MICU3: variants seen among roughly 807,000 people sequenced by gnomAD.
MICU3 encodes calcium uptake protein 3, mitochondrial.
In MICU3, 62 loss-of-function variants were observed where a neutral mutation model predicts 66.5. That is an observed-to-expected ratio of 0.93 (90% CI 0.76 to 1.15). The LOEUF (loss-of-function observed/expected upper bound fraction) is 1.15, where lower values mean the gene tolerates loss of function less well. Ranked by LOEUF, MICU3 falls within the 50% of genes most tolerant of loss-of-function variation. The pLI is 0.00. For synonymous variants in MICU3, 308 were observed against 240.7 expected (o/e 1.28, Z -2.59); for missense variants, 779 against 664.4 (o/e 1.17, Z -1.90).
Position 17,039,376 on chromosome 8 carries a change from G to A in MICU3, c.381+11716G>A, listed in dbSNP as rs187166284. 2.9e-4 allele frequency among the ~76,000 whole-genome samples: 44 copies of A among 152,298 alleles called. 2 individuals carry two copies. The highest frequency in any genetic ancestry group is 1.0e-3 in the African/African-American group (42 of 41,582). On this transcript the variant is annotated intron_variant, in intron 1 of 14. Transcript: ENST00000318063. ...TTTTTATAGTGAGGGAAGTTACATA[G>A]ACATGAAATTGAAGATAAGCTAATT...
At chr8:17,133,400 TC>T in the MICU3 span, among the ~76,000 whole-genome samples, 1 of 152,224 alleles carries the variant, frequency 6.6e-6, no homozygotes, top group Non-Finnish European at 1.5e-5. Context: ...TTTTTTTAAA[TC>T]TGTTCATTCA....
chr8:17,100,799 C>G (rs981049593), intron 9 of MICU3, among the ~76,000 whole-genome samples: 1 of 151,652 alleles, frequency 6.6e-6, no homozygotes, highest in Non-Finnish European at 1.5e-5. Flanking sequence ...AGACTACTTT[C>G]TAACCAAAAT....
In MICU3 at chr8:17,090,051, T is replaced by G. The variant is rs1415667240; in HGVS notation, c.850-495T>G. ...ACTCCCCTTTAGTCCTCATGACCGT[T>G]CTACCAGGTAAGTATTATACCTGCT... On this transcript the variant is annotated intron_variant, in intron 7 of 14. Transcript: ENST00000318063. Among the ~76,000 whole-genome samples, 3 of 152,028 alleles carry G rather than the reference T, an allele frequency of 2.0e-5. No homozygotes were observed. In the East Asian group the frequency reaches 5.8e-4, roughly 29 times the overall value.
Position 17,027,329 on chromosome 8 carries a change from C to T in MICU3, c.50C>T (p.Pro17Leu). Residue 17 changes from proline (P) to leucine (L), a missense_variant, in exon 1 of 15, where the codon CCA (proline) becomes CTA (leucine). By Grantham distance (98) the Pro-to-Leu change is moderately conservative (BLOSUM62 -3). Transcript: ENST00000318063. ...LLWPPPRVSPPLCAHQPLLGP... is the reference protein window; with the variant it reads ...LLWPPPRVSPLLCAHQPLLGP... ...TGGCCGCCACCCCGGGTGTCTCCTCCACTCTGCGCTCACCAGCCCCTCCTT... is the reference window on the plus strand; with the variant it reads ...TGGCCGCCACCCCGGGTGTCTCCTCTACTCTGCGCTCACCAGCCCCTCCTT... 6.5e-7 allele frequency: 1 copy of T among 1,532,392 alleles called. No individual in the cohort carries two copies. The allele number at this position is 1,532,392 out of a possible 1,614,324, so 94.9% of individuals were successfully genotyped here. A position where few individuals can be genotyped will look rare whatever the true frequency, so the allele number is the denominator to read the frequency against.
At chr8:17,108,378 A>G (rs1035721273) in intron 11 of MICU3, among the ~76,000 whole-genome samples, 3 of 152,088 alleles carry the variant, frequency 2.0e-5, no homozygotes, top group Non-Finnish European at 2.9e-5. Context: ...GGCTTTTGCA[A>G]TGTACTGCCT....
chr8:17,077,051 T>C (rs1333696643), intron 3 of MICU3, among the ~76,000 whole-genome samples: 1 of 152,230 alleles, frequency 6.6e-6, no homozygotes, highest in Admixed American at 6.5e-5. Flanking sequence ...AAATTCAAAA[T>C]TGATTTAGCA....
At chr8:17,037,972 G>C (rs1373599600) in intron 1 of MICU3, among the ~76,000 whole-genome samples, 3 of 152,190 alleles carry the variant, frequency 2.0e-5, no homozygotes, top group Non-Finnish European at 4.4e-5. Flanking sequence ...CATTTGGAAT[G>C]GGTGTGTTTA....
chr8:17,116,511 T>C lies in MICU3; in HGVS notation c.1435T>C (p.Phe479Leu). The change falls in exon 13 of 15, where the codon TTC becomes CTC. Residue 479 changes from phenylalanine (F) to leucine (L), a missense_variant. Phe to Leu is a conservative substitution (Grantham distance 22, BLOSUM62 0). Transcript: ENST00000318063. Reference protein sequence around the residue: ...KFSPHLVNTVFKIFDVDKDDQ... With the variant: ...KFSPHLVNTVLKIFDVDKDDQ... ...TTCACCACATTTAGTGAACACTGTCTTCAAGATTTTTGATGTTGACAAAGA... is the reference window on the plus strand; with the variant it reads ...TTCACCACATTTAGTGAACACTGTCCTCAAGATTTTTGATGTTGACAAAGA... The C allele has an allele frequency of 6.4e-7, 1 of 1,568,998 alleles. No homozygotes were observed. The highest frequency in any genetic ancestry group is 1.2e-5 in the South Asian group (1 of 82,890).
intron 2 of MICU3, among the ~76,000 whole-genome samples, chr8:17,068,617 A>G (rs941215051): frequency 5.6e-4 from 85 of 152,290 alleles, no homozygotes; most frequent in African/African-American, 2.0e-3. Context: ...ACACATTTGT[A>G]TCAACTATCT....
chr8:17,094,389 A>G (rs1041056541), intron 8 of MICU3, among the ~76,000 whole-genome samples: 5 of 152,044 alleles, frequency 3.3e-5, no homozygotes, highest in African/African-American at 1.2e-4. Flanking sequence ...TAAAGATATT[A>G]GTCTGTTTTA....
chr8:17,114,269 C>T, intron 12 of MICU3, 68 bp downstream of exon 12: 3 of 989,242 alleles, frequency 3.0e-6, no homozygotes, highest in Non-Finnish European at 4.6e-6. Flanking sequence ...ATTTTGGCAA[C>T]CAATTAATTA....
intron 10 of MICU3, among the ~76,000 whole-genome samples, 197 bp downstream of exon 10, chr8:17,104,688 G>A (rs1168264217): frequency 6.6e-6 from 1 of 151,788 alleles, no homozygotes; most frequent in Admixed American, 6.6e-5. Context: ...GGAAGTTACT[G>A]AATTTTTTTA....
chr8:17,037,278 G>T (rs9942816), intron 1 of MICU3, among the ~76,000 whole-genome samples: 1 of 152,250 alleles, frequency 6.6e-6, no homozygotes, highest in African/African-American at 2.4e-5. Context: ...GTGCAGCGGC[G>T]GGCCGAAGAG....
At chr8:17,100,795 C>G in intron 9 of MICU3, among the ~76,000 whole-genome samples, 1 of 151,598 alleles carries the variant, frequency 6.6e-6, no homozygotes, top group East Asian at 1.9e-4. Flanking sequence ...GCTAAGACTA[C>G]TTTCTAACCA....
chr8:17,106,209 T>G (rs1801722532), intron 11 of MICU3, among the ~76,000 whole-genome samples: 1 of 152,014 alleles, frequency 6.6e-6, no homozygotes. Context: ...GAGTGGGATG[T>G]TTTAGATATA....
chr8:17,120,340 A>C lies in MICU3; in HGVS notation c.*53A>C, dbSNP rs1803107145. 1 of 152,152 alleles carries C rather than the reference A, an allele frequency of 6.6e-6. No homozygotes were observed. The highest frequency in any genetic ancestry group is 2.1e-4 in the South Asian group (1 of 4,836). 9.4% of individuals were successfully genotyped at this position (152,152 alleles called of 1,614,324 possible). ...TACTATCTGTGTGACAAATAACAAG[A>C]AGCAACATTTTGAGAATGGAAGCAG... is the stretch of plus-strand genomic sequence containing the variant. On this transcript the variant is annotated 3_prime_UTR_variant, in exon 15 of 15. Transcript: ENST00000318063.
At chr8:17,084,385 T>C (rs1042715033) in intron 5 of MICU3, among the ~76,000 whole-genome samples, 2 of 152,134 alleles carry the variant, frequency 1.3e-5, no homozygotes, top group African/African-American at 4.8e-5. Context: ...TGTTACTAGT[T>C]AAGAAAGTAG....
rs141520878 is a variant in MICU3 at position 17,071,579 on chromosome 8, A to G, written c.567+1860A>G. On this transcript the variant is annotated intron_variant, in intron 3 of 14. Coordinates refer to ENST00000318063, the MANE Select transcript of MICU3 (RefSeq NM_181723.3). Reference sequence around the variant, plus strand: ...CATATGAATCGGGGAGAGGGGCACAATTGAGACCATAATATGTAGTATGAA... The same window carrying G: ...CATATGAATCGGGGAGAGGGGCACAGTTGAGACCATAATATGTAGTATGAA... Among the ~76,000 whole-genome samples the G allele has an allele frequency of 2.1e-3, 320 of 152,306 alleles. 3 individuals are homozygous for G. Among genetic ancestry groups the G allele is most frequent in the African/African-American group, 7.3e-3 (304 of 41,584 alleles).
intron 1 of MICU3, among the ~76,000 whole-genome samples, chr8:17,062,488 C>T (rs1817996869): frequency 6.6e-6 from 1 of 152,030 alleles, no homozygotes; most frequent in Non-Finnish European, 1.5e-5. Flanking sequence ...TCTTAGTCTT[C>T]AGAATGATGG....
Sources: allele counts gnomAD v4.1 joint callset (sites outside exome capture counted in the v4.1 genomes callset), GRCh38; gene constraint gnomAD v4.1.1; transcripts MANE v1.5; gene names NCBI Gene and HGNC (gene_info 2026-07-23, HGNC 2026-07-21).